The following SLC25A13 variants were observed in gnomAD, a reference collection of about 807,000 sequenced individuals.
SLC25A13 encodes the protein electrogenic aspartate/glutamate antiporter SLC25A13, mitochondrial.
Under a neutral mutation model 85.5 loss-of-function variants are expected in SLC25A13, and 70 were observed. The observed-to-expected ratio is 0.82, with a 90% CI of 0.68 to 1.00. SLC25A13 has a LOEUF of 1.00. Ranked by LOEUF, SLC25A13 falls within the 50% of genes least tolerant of loss-of-function variation. The pLI is 0.00. For synonymous variants in SLC25A13, 259 were observed against 288.7 expected (o/e 0.90, Z 1.04); for missense variants, 765 against 819.8 (o/e 0.93, Z 0.82).
rs2117030680 is a variant in SLC25A13, at chr7:96,313,503, A to T, written c.15+8439T>A. On this transcript the variant is annotated intron_variant, in intron 1 of 17. Transcript: ENST00000265631. ...GGAGGCTATGATCCTAAGTGAATTA[A>T]TGCAGGAACAGAAAACCAAATATCA... Among the ~76,000 whole-genome samples the T allele has an allele frequency of 2.0e-5, 3 of 152,368 alleles. No homozygotes were observed. In the South Asian group the frequency reaches 6.2e-4, roughly 32 times the overall value.
intron 4 of SLC25A13, among the ~76,000 whole-genome samples, chr7:96,215,145 C>G (rs1033514460): frequency 1.3e-5 from 2 of 152,164 alleles, no homozygotes; most frequent in African/African-American, 2.4e-5. Flanking sequence ...GTTGCCCAGG[C>G]TGGAGTACAG....
At chr7:96,233,036 G>A (rs759926278) in intron 4 of SLC25A13, among the ~76,000 whole-genome samples, 5 of 152,206 alleles carry the variant, frequency 3.3e-5, no homozygotes, top group African/African-American at 7.2e-5. Flanking sequence ...TAAAGCTGGT[G>A]TCACCAATAT....
chr7:96,300,842 T>A (rs890320227), intron 1 of SLC25A13, among the ~76,000 whole-genome samples: 20 of 152,222 alleles, frequency 1.3e-4, no homozygotes, highest in Admixed American at 1.0e-3. Flanking sequence ...ACCAGCCTCC[T>A]GGGCCTCATC....
intron 3 of SLC25A13, among the ~76,000 whole-genome samples, chr7:96,244,294 GT>G (rs1237574881): frequency 1.3e-5 from 2 of 152,258 alleles, no homozygotes; most frequent in East Asian, 3.9e-4. Context: ...GAAACTACCA[GT>G]TAGGCAGATG....
rs1166140794 is a variant in SLC25A13, at chr7:96,185,028, G to A, written c.934-17C>T. On this transcript the variant is annotated splice_polypyrimidine_tract_variant and intron_variant, in intron 9 of 17. Coordinates refer to ENST00000265631, the MANE Select transcript of SLC25A13 (RefSeq NM_014251.3). ...TGAGGCCTTCTGCTTTGCATGCACAGGAATCAGAGAGCAGGAAAACAGGTG... is the reference window on the plus strand; with the variant it reads ...TGAGGCCTTCTGCTTTGCATGCACAAGAATCAGAGAGCAGGAAAACAGGTG... 1.2e-6 allele frequency: 2 copies of A among 1,601,256 alleles called. No individual in the cohort carries two copies. The highest frequency in any genetic ancestry group is 2.2e-5 in the East Asian group (1 of 44,796).
chr7:96,296,341 C>T (rs928187987), intron 2 of SLC25A13, among the ~76,000 whole-genome samples: 1 of 152,000 alleles, frequency 6.6e-6, no homozygotes, highest in African/African-American at 2.4e-5. Context: ...AATACTCCAG[C>T]AACCGCTTTT....
At chr7:96,321,437 C>A (rs1027322167) in intron 1 of SLC25A13, among the ~76,000 whole-genome samples, 1 of 152,204 alleles carries the variant, frequency 6.6e-6, no homozygotes, top group African/African-American at 2.4e-5. Context: ...TAGGCAGTTT[C>A]CAAAACGGAA....
chr7:96,225,414 C>T (rs555601846), intron 4 of SLC25A13, among the ~76,000 whole-genome samples: 10 of 152,142 alleles, frequency 6.6e-5, no homozygotes, highest in African/African-American at 2.2e-4. Flanking sequence ...GACATGGTAG[C>T]GCCACCTGTA....
chr7:96,172,412 G>T (rs1265197971), intron 11 of SLC25A13, among the ~76,000 whole-genome samples: 1 of 152,008 alleles, frequency 6.6e-6, no homozygotes, highest in Admixed American at 6.5e-5. Flanking sequence ...ACAAAAATTA[G>T]CTGGGTGTGG....
chr7:96,303,979 G>A (rs1004351476), intron 1 of SLC25A13, among the ~76,000 whole-genome samples: 7 of 152,104 alleles, frequency 4.6e-5, no homozygotes, highest in Non-Finnish European at 8.8e-5. Context: ...CTCTGCGAGT[G>A]AGCCCTGACT....
At chr7:96,176,219 T>C (rs1274651765) in intron 11 of SLC25A13, among the ~76,000 whole-genome samples, 4 of 152,172 alleles carry the variant, frequency 2.6e-5, no homozygotes, top group Admixed American at 2.6e-4. Context: ...CAATTAAGTC[T>C]AAAGTGCATA....
chr7:96,183,110 A>G (rs781545133), intron 11 of SLC25A13, among the ~76,000 whole-genome samples: 6 of 152,192 alleles, frequency 3.9e-5, no homozygotes, highest in Non-Finnish European at 7.3e-5. Flanking sequence ...CAATCACCTG[A>G]GGTCAAAGAC....
intron 13 of SLC25A13, among the ~76,000 whole-genome samples, chr7:96,157,666 T>C (rs1486563051): frequency 6.6e-6 from 1 of 152,026 alleles, no homozygotes; most frequent in Non-Finnish European, 1.5e-5. Flanking sequence ...TATCTGGGCA[T>C]GGTGGTGCGT....
At position 96,261,483 on chromosome 7, in the gene SLC25A13, T is replaced by C. The variant is rs547708148; in HGVS notation, c.212+15713A>G. Among the ~76,000 whole-genome samples, 44 of 152,328 alleles carry C rather than the reference T, an allele frequency of 2.9e-4. 1 individual carries two copies. Among genetic ancestry groups the C allele is most frequent in the African/African-American group, 1.0e-3 (43 of 41,590 alleles). On this transcript the variant is annotated intron_variant, in intron 3 of 17. Transcript: ENST00000265631. ...TAAGTTACTCTAAAATTTCTGACAA[T>C]TAAGTTCTTTCATCAGTTATCTTCT...
chr7:96,187,825 C>T (rs567270258), intron 9 of SLC25A13, among the ~76,000 whole-genome samples: 6 of 152,306 alleles, frequency 3.9e-5, no homozygotes, highest in South Asian at 2.1e-4. Context: ...AGGTGGACGA[C>T]CTCCCTTGCT....
intron 1 of SLC25A13, among the ~76,000 whole-genome samples, chr7:96,313,278 C>T (rs188980089): frequency 1.7e-4 from 26 of 152,228 alleles, no homozygotes; most frequent in Admixed American, 1.2e-3. Flanking sequence ...TTGGGGGACA[C>T]TAACCTTCCA....
intron 1 of SLC25A13, among the ~76,000 whole-genome samples, chr7:96,303,963 T>A (rs1261646815): frequency 6.6e-6 from 1 of 152,154 alleles, no homozygotes; most frequent in East Asian, 1.9e-4. Context: ...TAGAGTAGAT[T>A]CTGTTCTCTG....
At chr7:96,146,723 T>A (rs1481745616) in intron 13 of SLC25A13, 27 bp from the exon 14 acceptor site, 1 of 1,613,692 alleles carries the variant, frequency 6.2e-7, no homozygotes, top group Non-Finnish European at 8.5e-7. Flanking sequence ...AGATTTAGGA[T>A]CAAAGCAAAG....
At chr7:96,278,282 G>A in intron 2 of SLC25A13, among the ~76,000 whole-genome samples, 1 of 152,162 alleles carries the variant, frequency 6.6e-6, no homozygotes, top group Non-Finnish European at 1.5e-5. Context: ...ACAAGAACAA[G>A]CCTAGCTGGG....
Sources: allele counts gnomAD v4.1 joint callset (sites outside exome capture counted in the v4.1 genomes callset), GRCh38; gene constraint gnomAD v4.1.1; transcripts MANE v1.5; gene names NCBI Gene and HGNC (gene_info 2026-07-23, HGNC 2026-07-21).